Variants in MDGA1 observed in about 807,000 individuals in gnomAD.
The protein encoded by MDGA1 is MAM domain-containing glycosylphosphatidylinositol anchor protein 1.
A neutral mutation model predicts 101.5 loss-of-function variants in MDGA1; 54 were observed. The ratio of observed to expected loss-of-function variants is 0.53; its 90% confidence interval spans 0.43 to 0.67. MDGA1 has a LOEUF of 0.67. MDGA1 is among the 30% of genes least tolerant of loss of function. The pLI, the probability that MDGA1 is intolerant of heterozygous loss-of-function variation, is 0.00. For missense variants in MDGA1, 1,083 were observed against 1,323.8 expected (o/e 0.82, Z 2.82); for synonymous variants, 533 against 558.3 (o/e 0.95, Z 0.64).
intron 1 of MDGA1, among the ~76,000 whole-genome samples, chr6:37,682,009 T>C (rs577584881): frequency 6.6e-6 from 1 of 152,170 alleles, no homozygotes; most frequent in African/African-American, 2.4e-5. Context: ...AAAAGAAAGC[T>C]ACTCATGTCC....
At position 37,655,231 on chromosome 6, in the gene MDGA1, A is replaced by G; in HGVS notation, c.580-299T>C. 1 of 461,916 alleles carries G rather than the reference A, an allele frequency of 2.2e-6. No homozygotes were observed. The highest frequency in any genetic ancestry group is 3.9e-5 in the East Asian group (1 of 25,768). The allele number at this position is 461,916 out of a possible 1,614,324, so 28.6% of individuals were successfully genotyped here. ...CTGGGAAACGGAGGGGTAAGAAGGG[A>G]ACTTACTCGTACAACCCACACAAAC... On this transcript the variant is annotated intron_variant, in intron 4 of 16. Transcript: ENST00000434837. This position sits in a 1 kb window ranked among gnomAD's most constrained non-coding sequence, Gnocchi z 5.1.
chr6:37,652,178 T>C lies in MDGA1; in HGVS notation c.1145A>G (p.Lys382Arg), dbSNP rs1349681238. The change falls in exon 7 of 17, where the codon AAG (lysine) becomes AGG (arginine). Residue 382 changes from lysine to arginine, a missense_variant. By Grantham distance (26) the Lys-to-Arg change is conservative (BLOSUM62 2). Coordinates refer to ENST00000434837, the MANE Select transcript of MDGA1 (RefSeq NM_153487.4). The surrounding 1 kb of genome is among the most constrained non-coding windows in gnomAD (Gnocchi z 4.3). ...ATCATTGCGGGTCACCAGCAGCCGC[T>C]TGGACATGCGTGCCGGCTTGCCATT... ...FKNGKPARMS[K>R]RLLVTRNDPE... 1 of 1,613,902 alleles carries C rather than the reference T, an allele frequency of 6.2e-7. No individual in the cohort carries two copies. The highest frequency in any genetic ancestry group is 1.3e-5 in the African/African-American group (1 of 74,936).
intron 2 of MDGA1, among the ~76,000 whole-genome samples, chr6:37,662,643 A>AAAGAAAAGAAAAGAAAAG: frequency 6.9e-6 from 1 of 145,298 alleles, no homozygotes; most frequent in African/African-American, 2.5e-5. Context: ...TCAAAAAAAA[A>AAAGAAAAGAAAAGAAAAG]AAAACAAGGA....
At position 37,638,717 on chromosome 6, in the gene MDGA1, TCACCTTTC is replaced by T; in HGVS notation, c.2537-58_2537-51del. 6.4e-7 allele frequency: 1 copy of T among 1,569,188 alleles called. No individual in the cohort carries two copies. The highest frequency in any genetic ancestry group is 8.7e-7 in the Non-Finnish European group (1 of 1,155,874). On this transcript the variant is annotated intron_variant, in intron 14 of 16. Coordinates refer to ENST00000434837, the MANE Select transcript of MDGA1 (RefSeq NM_153487.4). This position sits in a 1 kb window ranked among gnomAD's most constrained non-coding sequence, Gnocchi z 4.8. ...GCAGTGAGATCTGGCCAGGGCACCCTCACCTTTCCACATTTACCAAGCCCTCTTCTCCC... is the reference window on the plus strand; with the variant it reads ...GCAGTGAGATCTGGCCAGGGCACCCTCACATTTACCAAGCCCTCTTCTCCC...
At position 37,696,859 on chromosome 6, in the gene MDGA1, C is replaced by G; in HGVS notation, c.-48G>C. 6.6e-7 allele frequency: 1 copy of G among 1,508,828 alleles called. No individual in the cohort carries two copies. The highest frequency in any genetic ancestry group is 9.0e-7 in the Non-Finnish European group (1 of 1,109,446). The allele number at this position is 1,508,828 out of a possible 1,614,324, so 93.5% of individuals were successfully genotyped here. On this transcript the variant is annotated 5_prime_UTR_variant, in exon 1 of 17. Coordinates refer to ENST00000434837, the MANE Select transcript of MDGA1 (RefSeq NM_153487.4). The surrounding 1 kb of genome is among the most constrained non-coding windows in gnomAD (Gnocchi z 5.6). ...CCGCGAGGCGGCGCAGCCCGAGAGGCGGCGGGGGGCGCATTCGCCGGGGCC... is the reference window on the plus strand; with the variant it reads ...CCGCGAGGCGGCGCAGCCCGAGAGGGGGCGGGGGGCGCATTCGCCGGGGCC...
chr6:37,692,605 A>G (rs1370385346), intron 1 of MDGA1, among the ~76,000 whole-genome samples: 1 of 151,630 alleles, frequency 6.6e-6, no homozygotes, highest in African/African-American at 2.4e-5. Context: ...CCAGGTATTG[A>G]TTTCCTGCAT....
At chr6:37,654,242 A>G (rs911934259) in intron 6 of MDGA1, 32 bp downstream of exon 6, 1 of 1,512,406 alleles carries the variant, frequency 6.6e-7, no homozygotes, top group Non-Finnish European at 8.8e-7. Flanking sequence ...CTGCCTCACA[A>G]CTTCCCTCCC....
intron 3 of MDGA1, among the ~76,000 whole-genome samples, chr6:37,656,680 C>T (rs2114034661): frequency 6.6e-6 from 1 of 152,324 alleles, no homozygotes; most frequent in South Asian, 2.1e-4. Flanking sequence ...GCCAAGACAA[C>T]AGGACTTGAT....
intron 1 of MDGA1, among the ~76,000 whole-genome samples, chr6:37,691,147 C>T (rs544663753): frequency 1.3e-5 from 2 of 152,286 alleles, no homozygotes; most frequent in South Asian, 4.1e-4. Flanking sequence ...AGAACTGAGT[C>T]TTACTCAAGG....
At position 37,663,968 on chromosome 6, in the gene MDGA1, TG is replaced by T; in HGVS notation, c.205del (p.Gln69ArgfsTer66). ...QCLVTGHPRP[Q>X]VRWTKTAGSA... ...AGCAAGGCTGGGCTGGGGGCTTACC[TG>T]GGGTCGAGGGTGCCCTGTTACAAGG... On this transcript the variant is annotated frameshift_variant and splice_region_variant, in exon 2 of 17. Transcript: ENST00000434837. LOFTEE classifies it high-confidence loss of function. The T allele has an allele frequency of 6.2e-7, 1 of 1,613,722 alleles. No individual in the cohort carries two copies. The highest frequency in any genetic ancestry group is 8.5e-7 in the Non-Finnish European group (1 of 1,179,746).
chr6:37,649,229 G>A lies in MDGA1; in HGVS notation c.1647C>T (p.Arg549=). Residue 549 remains arginine, a synonymous_variant, in exon 9 of 17, where the codon CGC becomes CGT. Coordinates refer to ENST00000434837, the MANE Select transcript of MDGA1 (RefSeq NM_153487.4). The part of the protein sequence containing the change: ...PEVEPSSQDV[R]QALGRPVLLR... ...GGAGCACGGGCCGGCCCAGCGCCTG[G>A]CGCACGTCCTGGGAACTGGGCTCCA... 6.6e-7 allele frequency: 1 copy of A among 1,509,102 alleles called. No homozygotes were observed. Among genetic ancestry groups the A allele is most frequent in the Non-Finnish European group, 8.8e-7 (1 of 1,136,824 alleles). 93.5% of individuals were successfully genotyped at this position (1,509,102 alleles called of 1,614,324 possible). A position where few individuals can be genotyped will look rare whatever the true frequency, so the allele number is the denominator to read the frequency against.
rs1474096855 is a variant in MDGA1, at chr6:37,672,261, G to A, written c.68-8155C>T. Among the ~76,000 whole-genome samples the A allele has an allele frequency of 3.3e-5, 5 of 152,134 alleles. No homozygotes were observed. In the Middle Eastern group the frequency reaches 0.01, roughly 310 times the overall value. ...AGGCTAGGGGTTCAAGACCAGCCTG[G>A]GCATCATAGCAAGACCCCATCTCTA... On this transcript the variant is annotated intron_variant, in intron 1 of 16. Coordinates refer to ENST00000434837, the MANE Select transcript of MDGA1 (RefSeq NM_153487.4).
rs1379712917 is a variant in MDGA1, at chr6:37,636,742, C to T, written c.*626G>A. On this transcript the variant is annotated 3_prime_UTR_variant, in exon 17 of 17. Coordinates refer to ENST00000434837, the MANE Select transcript of MDGA1 (RefSeq NM_153487.4). ...ATCTGGGGTGACCTATGGTCTCCAC[C>T]ATCCAGTGCTCACTCTGGACAGAAT... is the stretch of plus-strand genomic sequence containing the variant. The T allele has an allele frequency of 6.5e-6, 1 of 152,752 alleles. No homozygotes were observed. The highest frequency in any genetic ancestry group is 6.5e-5 in the Admixed American group (1 of 15,296). The allele number at this position is 152,752 out of a possible 1,614,324, so 9.5% of individuals were successfully genotyped here. A position where few individuals can be genotyped will look rare whatever the true frequency, so the allele number is the denominator to read the frequency against.
chr6:37,658,149 C>T (rs750500983), intron 3 of MDGA1, 96 bp downstream of exon 3: 227 of 1,371,646 alleles, frequency 1.7e-4, no homozygotes, highest in Non-Finnish European at 2.1e-4. Flanking sequence ...CTCCGTTCCA[C>T]CCCATGCCCA....
chr6:37,683,577 G>A (rs1223208322), intron 1 of MDGA1, among the ~76,000 whole-genome samples: 1 of 152,246 alleles, frequency 6.6e-6, no homozygotes, highest in Non-Finnish European at 1.5e-5. Context: ...TGTGTGCAGT[G>A]GTTTAGGAGT....
At chr6:37,686,508 C>G (rs1444303178) in intron 1 of MDGA1, among the ~76,000 whole-genome samples, 1 of 151,316 alleles carries the variant, frequency 6.6e-6, no homozygotes, top group Non-Finnish European at 1.5e-5. Flanking sequence ...CTCACTACAA[C>G]CTCGGCCTCC....
intron 4 of MDGA1, 52 bp from the exon 5 acceptor site, chr6:37,654,984 T>A: frequency 6.3e-7 from 1 of 1,598,804 alleles, no homozygotes; most frequent in Non-Finnish European, 8.5e-7. Flanking sequence ...TCTCCAGGGA[T>A]CCCGCATACT....
chr6:37,679,881 G>A (rs971983572), intron 1 of MDGA1, among the ~76,000 whole-genome samples: 13 of 152,150 alleles, frequency 8.5e-5, no homozygotes, highest in Admixed American at 1.3e-4. Context: ...GTGAGCGGCC[G>A]AGCAGACCTC....
At chr6:37,640,238 T>C (rs804828) in intron 14 of MDGA1, among the ~76,000 whole-genome samples, 130,852 of 152,104 alleles carry the variant, frequency 0.86, 56,652 homozygotes, top group East Asian at 1. Context: ...GCAGAGGGAA[T>C]AGGCTGAGCA....
Sources: allele counts gnomAD v4.1 joint callset (sites outside exome capture counted in the v4.1 genomes callset), GRCh38; gene constraint gnomAD v4.1.1; non-coding constraint Gnocchi (gnomAD v3.1); transcripts MANE v1.5; gene names NCBI Gene and HGNC (gene_info 2026-07-23, HGNC 2026-07-21).